LOC112694756: variants seen among roughly 807,000 people sequenced by gnomAD.
chr16:30,067,765 T>C, the LOC112694756 span: 7 of 1,350,826 alleles, frequency 5.2e-6, no homozygotes, highest in Non-Finnish European at 7.4e-6. Context: ...CCTAGAGACT[T>C]GCATGGAGCC....
chr16:30,058,621 G>A, the LOC112694756 span, among the ~76,000 whole-genome samples: 1 of 151,988 alleles, frequency 6.6e-6, no homozygotes, highest in Non-Finnish European at 1.5e-5. Context: ...GAGTAGCTGG[G>A]ATTACAGGTG....
the LOC112694756 span, among the ~76,000 whole-genome samples, chr16:30,056,191 T>C: frequency 7.5e-6 from 1 of 133,208 alleles, no homozygotes; most frequent in Non-Finnish European, 1.7e-5. Flanking sequence ...CTCACTGCAA[T>C]GTCCACCTCC....
chr16:30,067,215 C>G, the LOC112694756 span: 2 of 1,612,166 alleles, frequency 1.2e-6, no homozygotes, highest in East Asian at 4.5e-5. Flanking sequence ...AGTCCTTCCC[C>G]TCTGTTTCCT....
chr16:30,067,551 C>T, the LOC112694756 span: 1 of 1,613,974 alleles, frequency 6.2e-7, no homozygotes, highest in Non-Finnish European at 8.5e-7. Context: ...CCGCGTGAAC[C>T]CCTGCATTGG....
At chr16:30,062,784 G>A in the LOC112694756 span, among the ~76,000 whole-genome samples, 1 of 151,502 alleles carries the variant, frequency 6.6e-6, no homozygotes, top group Non-Finnish European at 1.5e-5. Flanking sequence ...AAGTTGCAGT[G>A]AGTGGAGATC....
chr16:30,053,961 G>T, the LOC112694756 span, among the ~76,000 whole-genome samples: 1 of 152,128 alleles, frequency 6.6e-6, no homozygotes. Flanking sequence ...CCAGGAGCTC[G>T]AGGCTGCAGC....
chr16:30,057,513 C>T, the LOC112694756 span, among the ~76,000 whole-genome samples: 41 of 152,216 alleles, frequency 2.7e-4, no homozygotes, highest in East Asian at 2.3e-3. Flanking sequence ...TTGAGCTCAG[C>T]GATTCAGACA....
the LOC112694756 span, among the ~76,000 whole-genome samples, chr16:30,056,687 ACCTCCTGGACTGAAGCAAT>A: frequency 6.8e-6 from 1 of 147,972 alleles, no homozygotes; most frequent in African/African-American, 2.5e-5. Context: ...TGCAGCCTCT[ACCTCCTGGACTGAAGCAAT>A]CCTCCCACCT....
chr16:30,068,344 G>T, the LOC112694756 span: 3 of 397,098 alleles, frequency 7.6e-6, no homozygotes, highest in South Asian at 6.2e-5. Context: ...GATTACAGGC[G>T]TGAGCCACCA....
chr16:30,065,852 T>C, the LOC112694756 span: 6 of 152,762 alleles, frequency 3.9e-5, no homozygotes, highest in South Asian at 2.0e-4. Flanking sequence ...AGTCCCGCGT[T>C]CTCTCCTTGA....
chr16:30,070,310 C>A, the LOC112694756 span: 3 of 1,173,898 alleles, frequency 2.6e-6, no homozygotes, highest in South Asian at 2.5e-5. Context: ...CTGGCTTGCC[C>A]GCGCTCTTTC....
the LOC112694756 span, chr16:30,065,842 A>G: frequency 6.5e-6 from 1 of 152,760 alleles, no homozygotes; most frequent in Admixed American, 6.5e-5. Flanking sequence ...CCTGGTGACG[A>G]GTCCCGCGTT....
At chr16:30,069,279 A>G in the LOC112694756 span, 1 of 1,613,330 alleles carries the variant, frequency 6.2e-7, no homozygotes, top group Non-Finnish European at 8.5e-7. Context: ...AGGAGGCCTC[A>G]CAGTGACCCT....
chr16:30,062,946 C>T, the LOC112694756 span, among the ~76,000 whole-genome samples: 1 of 151,916 alleles, frequency 6.6e-6, no homozygotes, highest in Non-Finnish European at 1.5e-5. Context: ...AGTTCCGAGA[C>T]CAGCCTGACC....
the LOC112694756 span, chr16:30,065,699 G>A: frequency 1.3e-5 from 2 of 152,216 alleles, no homozygotes; most frequent in African/African-American, 2.4e-5. Flanking sequence ...TCCTCGTAAA[G>A]GAAAAAGCTC....
At chr16:30,059,106 G>A in the LOC112694756 span, 11 of 397,980 alleles carry the variant, frequency 2.8e-5, no homozygotes, top group East Asian at 3.6e-4. Flanking sequence ...TGAGGTCTGG[G>A]CTGGGGCTAG....
chr16:30,063,614 C>G, the LOC112694756 span: 1 of 398,190 alleles, frequency 2.5e-6, no homozygotes, highest in African/African-American at 2.1e-5. Flanking sequence ...TGGACAGTAC[C>G]CTCTGTTCCA....
At chr16:30,055,210 G>T in the LOC112694756 span, 1 of 399,422 alleles carries the variant, frequency 2.5e-6, no homozygotes, top group East Asian at 3.6e-5. Context: ...CCCCCTGCAG[G>T]AAGCAAGGTT....
the LOC112694756 span, chr16:30,064,696 C>T: frequency 8.1e-6 from 3 of 370,186 alleles, no homozygotes; most frequent in Non-Finnish European, 1.4e-5. Flanking sequence ...ACATGTGGGG[C>T]GGGCAGGAGC....
Sources: gnomAD v4.1 joint callset for allele counts (sites outside exome capture counted in the v4.1 genomes callset) on GRCh38, gnomAD v4.1.1 for gene constraint, MANE v1.5 for transcripts.